EHMT1: variants seen among roughly 807,000 people sequenced by gnomAD.
EHMT1 encodes euchromatic histone lysine methyltransferase 1.
EHMT1 carries 15 observed loss-of-function variants against 147.2 expected under a neutral mutation model. That is an observed-to-expected ratio of 0.10 (90% CI 0.07 to 0.16). The LOEUF is 0.16. Among genes scored for constraint, EHMT1 ranks in the 10% least tolerant of loss-of-function variants. The pLI is 1.00. For missense variants in EHMT1, 1,587 were observed against 1,772.4 expected (o/e 0.90, Z 1.88); for synonymous variants, 795 against 709.6 (o/e 1.12, Z -1.91).
intron 10 of EHMT1, chr9:137,764,504 CCTT>C (rs1438756910): frequency 2.0e-5 from 3 of 152,228 alleles, no homozygotes; most frequent in Non-Finnish European, 4.4e-5. Flanking sequence ...TCTCTCCCAC[CCTT>C]CTTTCTTGGT....
intron 22 of EHMT1, 186 bp downstream of exon 22, chr9:137,814,694 C>T (rs529085498): frequency 4.8e-4 from 330 of 686,032 alleles, no homozygotes; most frequent in Non-Finnish European, 3.0e-4. Flanking sequence ...GGTCGTGAGC[C>T]GAGGACATGG....
intron 1 of EHMT1, among the ~76,000 whole-genome samples, chr9:137,644,792 G>A (rs1349871542): frequency 1.3e-5 from 2 of 152,078 alleles, no homozygotes; most frequent in Admixed American, 6.6e-5. Context: ...CATTTATTTT[G>A]TGTTTTAATT....
intron 16 of EHMT1, 62 bp from the exon 17 acceptor site, chr9:137,798,751 C>G (rs1953180258): frequency 7.2e-7 from 1 of 1,391,642 alleles, no homozygotes; most frequent in East Asian, 2.3e-5. Flanking sequence ...ATCCCGCACT[C>G]AGGGCTGGCA....
chr9:137,833,753 C>T (rs1956389333), intron 25 of EHMT1, among the ~76,000 whole-genome samples: 1 of 152,254 alleles, frequency 6.6e-6, no homozygotes, highest in Non-Finnish European at 1.5e-5. Flanking sequence ...GTCTCTTCGG[C>T]CTCGTGTTCC....
At chr9:137,664,211 G>C (rs1288893579) in intron 1 of EHMT1, among the ~76,000 whole-genome samples, 1 of 151,336 alleles carries the variant, frequency 6.6e-6, no homozygotes, top group Non-Finnish European at 1.5e-5. Context: ...GGTGGTGTGT[G>C]TTTTTAAAAT....
At position 137,683,028 on chromosome 9, in the gene EHMT1, T is replaced by C. The variant is rs74317504; in HGVS notation, c.22-27939T>C. Among the ~76,000 whole-genome samples, 711 of 152,368 alleles carry C rather than the reference T, an allele frequency of 4.7e-3. 10 individuals carry two copies. Among genetic ancestry groups the C allele is most frequent in the East Asian group, 0.037 (191 of 5,184 alleles). On this transcript the variant is annotated intron_variant, in intron 1 of 26. Transcript: ENST00000460843. Reference sequence around the variant, plus strand: ...TTGCAGGATTTTCGCACACCACTTTTATTTCAGTTTCTAGTTCTTTCCACA... The same window carrying C: ...TTGCAGGATTTTCGCACACCACTTTCATTTCAGTTTCTAGTTCTTTCCACA...
chr9:137,622,929 A>T (rs1843023694), intron 1 of EHMT1, among the ~76,000 whole-genome samples: 1 of 150,198 alleles, frequency 6.7e-6, no homozygotes, highest in South Asian at 2.1e-4. Context: ...AAAAAAATAC[A>T]GCCAGGCGCG....
intron 1 of EHMT1, among the ~76,000 whole-genome samples, chr9:137,673,048 CT>C: frequency 6.6e-6 from 1 of 152,342 alleles, no homozygotes; most frequent in East Asian, 1.9e-4. Context: ...CTGGATGGAG[CT>C]TGAGAACCAG....
chr9:137,661,756 G>A (rs772376491), intron 1 of EHMT1, among the ~76,000 whole-genome samples: 39 of 152,038 alleles, frequency 2.6e-4, no homozygotes, highest in African/African-American at 1.9e-4. Flanking sequence ...AATTAAAGGC[G>A]TGAGCCACTG....
chr9:137,808,253 T>G (rs1954117435), intron 18 of EHMT1, among the ~76,000 whole-genome samples: 1 of 152,086 alleles, frequency 6.6e-6, no homozygotes, highest in South Asian at 2.1e-4. Flanking sequence ...CTGCCGGAAG[T>G]GCACAGATCT....
intron 3 of EHMT1, among the ~76,000 whole-genome samples, chr9:137,720,866 A>G (rs975495998): frequency 1.3e-5 from 2 of 152,044 alleles, no homozygotes; most frequent in African/African-American, 4.8e-5. Flanking sequence ...CTGTGGGTCA[A>G]ACACACAGGA....
intron 4 of EHMT1, among the ~76,000 whole-genome samples, chr9:137,736,838 C>T (rs1947578123): frequency 6.6e-6 from 1 of 152,128 alleles, no homozygotes; most frequent in Admixed American, 6.5e-5. Context: ...TTGCAGTGAG[C>T]CAAGATCATA....
chr9:137,791,795 A>C (rs890733068), intron 16 of EHMT1, among the ~76,000 whole-genome samples: 1 of 152,136 alleles, frequency 6.6e-6, no homozygotes, highest in Non-Finnish European at 1.5e-5. Flanking sequence ...GCAGTGGCAC[A>C]ATCTCGGCCT....
Position 137,716,699 on chromosome 9 carries a change from G to C in EHMT1, c.159G>C (p.Glu53Asp), listed in dbSNP as rs202066668. 3.1e-6 allele frequency: 5 copies of C among 1,609,208 alleles called. No homozygotes were observed. Among genetic ancestry groups the C allele is most frequent in the African/African-American group, 1.3e-5 (1 of 74,744 alleles). ...AGEAHMAADG[E>D]TNGSCENSDA... The stretch of plus-strand genomic sequence containing the variant: ...AGGCCCACATGGCTGCGGACGGTGA[G>C]ACCAATGGGTCTTGTGAAAACAGCG... The change falls in exon 3 of 27, where the codon GAG (glutamate) becomes GAC (aspartate). Residue 53 changes from glutamate to aspartate, a missense_variant. Glu to Asp is a conservative substitution (Grantham distance 45). Transcript: ENST00000460843.
At chr9:137,704,729 A>G (rs1449689186) in intron 1 of EHMT1, among the ~76,000 whole-genome samples, 1 of 151,788 alleles carries the variant, frequency 6.6e-6, no homozygotes, top group African/African-American at 2.4e-5. Flanking sequence ...GAATTCCTGG[A>G]AATCCCAGGC....
Position 137,716,644 on chromosome 9 carries a change from A to T in EHMT1, c.104A>T (p.Asp35Val). ...LLGEETPMAA[D>V]EGSAEKQAGE... ...TTGGCAGAGACACCTATGGCTGCCG[A>T]TGAAGGCTCAGCAGAGAAACAGGCA... The change falls in exon 3 of 27, where the codon GAT becomes GTT. Residue 35 changes from aspartate (D) to valine (V), a missense_variant. This residue lies in a region of EHMT1 where 810 missense variants were observed against 673.0 expected (regional missense o/e 1.20). Coordinates refer to ENST00000460843, the MANE Select transcript of EHMT1 (RefSeq NM_024757.5). The T allele has an allele frequency of 6.3e-7, 1 of 1,577,808 alleles. No individual in the cohort carries two copies. Among genetic ancestry groups the T allele is most frequent in the Non-Finnish European group, 8.6e-7 (1 of 1,159,520 alleles).
intron 18 of EHMT1, among the ~76,000 whole-genome samples, chr9:137,811,220 A>G (rs184663585): frequency 2.0e-5 from 3 of 152,266 alleles, no homozygotes; most frequent in East Asian, 3.9e-4. Context: ...CTACTTTTAT[A>G]ATTATGTTAT....
At chr9:137,812,494 C>T (rs57257636) in intron 19 of EHMT1, among the ~76,000 whole-genome samples, 17,100 of 152,268 alleles carry the variant, frequency 0.11, 3,145 homozygotes, top group African/African-American at 0.39. Context: ...TCCAGTGACT[C>T]CCTGGCCCCT....
chr9:137,737,679 T>C (rs1342513094), intron 4 of EHMT1, among the ~76,000 whole-genome samples: 1 of 152,194 alleles, frequency 6.6e-6, no homozygotes, highest in Non-Finnish European at 1.5e-5. Flanking sequence ...AGACTTGGTG[T>C]CTTTTGATGC....
Sources: allele counts gnomAD v4.1 joint callset (sites outside exome capture counted in the v4.1 genomes callset), GRCh38; gene constraint gnomAD v4.1.1; regional missense constraint gnomAD v4.1.1; transcripts MANE v1.5; gene names NCBI Gene and HGNC (gene_info 2026-07-23, HGNC 2026-07-21).